DISC1: variants seen among roughly 807,000 people sequenced by gnomAD.
The protein encoded by DISC1 is DISC1 scaffold protein, also known as disrupted in schizophrenia 1 protein.
A neutral mutation model predicts 84.5 loss-of-function variants in DISC1; 57 were observed. The observed-to-expected ratio is 0.67, with a 90% CI of 0.55 to 0.84. DISC1 has a LOEUF of 0.84. DISC1 is among the 40% of genes least tolerant of loss of function. DISC1 has a pLI of 0.00. For missense variants in DISC1, 1,000 were observed against 1,057.8 expected (o/e 0.95, Z 0.76); for synonymous variants, 411 against 415.2 (o/e 0.99, Z 0.12).
At chr1:231,688,811 T>C (rs1044254930) in intron 1 of DISC1, among the ~76,000 whole-genome samples, 1 of 152,196 alleles carries the variant, frequency 6.6e-6, no homozygotes, top group Non-Finnish European at 1.5e-5. Flanking sequence ...AAGGAATTGT[T>C]TTATGGAAAT....
rs1669608512 is a variant in DISC1 at position 232,027,698 on chromosome 1, A to G, written c.2425+1146A>G. Among the ~76,000 whole-genome samples, 2 of 152,000 alleles carry G rather than the reference A, an allele frequency of 1.3e-5. 1 individual carries two copies. The highest frequency in any genetic ancestry group is 6.8e-3 in the Middle Eastern group (2 of 294). The stretch of plus-strand genomic sequence containing the variant: ...CTTTCTATTCAGTAGAATGTCTTTT[A>G]TTAGATGCGTTTGTGGCAAATTTAG... On this transcript the variant is annotated intron_variant, in intron 12 of 12. Transcript: ENST00000439617.
chr1:232,030,575 G>T (rs1238258854), intron 12 of DISC1, among the ~76,000 whole-genome samples: 1 of 152,168 alleles, frequency 6.6e-6, no homozygotes, highest in Admixed American at 6.5e-5. Flanking sequence ...GTGCCCAATT[G>T]TTTAGTTTTG....
At chr1:231,815,344 G>A (rs1037095426) in intron 8 of DISC1, among the ~76,000 whole-genome samples, 6 of 152,040 alleles carry the variant, frequency 3.9e-5, no homozygotes, top group African/African-American at 9.7e-5. Context: ...AGTCATCATC[G>A]TCCCTCCTCT....
Position 231,917,043 on chromosome 1 carries a change from G to A in DISC1, c.1982-41785G>A, listed in dbSNP as rs532970993. Reference sequence around the variant, plus strand: ...AGTTGGGCCATCTACACCCTCTTTCGGGGTACGACATAGAAATGGAAATGG... The same window carrying A: ...AGTTGGGCCATCTACACCCTCTTTCAGGGTACGACATAGAAATGGAAATGG... On this transcript the variant is annotated intron_variant, in intron 9 of 12. Transcript: ENST00000439617. Among the ~76,000 whole-genome samples the A allele has an allele frequency of 5.9e-5, 9 of 152,164 alleles. No individual in the cohort carries two copies. The East Asian group carries it at 1.7e-3, about 29-fold the overall frequency.
intron 3 of DISC1, chr1:231,721,141 C>T: frequency 1.6e-6 from 2 of 1,257,722 alleles, no homozygotes; most frequent in Non-Finnish European, 2.1e-6. Flanking sequence ...CTCTACCTAC[C>T]TTGCTGGGCT....
At chr1:231,979,351 T>G (rs577604657) in intron 10 of DISC1, among the ~76,000 whole-genome samples, 8 of 152,018 alleles carry the variant, frequency 5.3e-5, no homozygotes, top group Admixed American at 1.3e-4. Flanking sequence ...AAATAATCTT[T>G]TATGAAACCA....
At position 231,958,687 on chromosome 1, in the gene DISC1, T is replaced by G. The variant is rs1659950998; in HGVS notation, c.1982-141T>G. The G allele has an allele frequency of 1.3e-5, 11 of 852,146 alleles. No individual in the cohort carries two copies. In the East Asian group the frequency reaches 1.9e-4, roughly 15 times the overall value. The allele number at this position is 852,146 out of a possible 1,614,324, so 52.8% of individuals were successfully genotyped here. On this transcript the variant is annotated intron_variant, in intron 9 of 12. Transcript: ENST00000439617. ...GACTTCAGGCAGCCACTCCAGTGGA[T>G]TTGAGTGTTTTCCAAACATAGAATG... is the stretch of plus-strand genomic sequence containing the variant.
rs1419065533 is a variant in DISC1, at chr1:231,688,494, C to T, written c.68-5332C>T. 3.3e-5 allele frequency among the ~76,000 whole-genome samples: 5 copies of T among 152,280 alleles called. No homozygotes were observed. The East Asian group carries it at 5.8e-4, about 18-fold the overall frequency. ...AATTAAAGATGTGTTTGTGACGGCC[C>T]TCACTTCTTTTTCACCAAATGCAGC... On this transcript the variant is annotated intron_variant, in intron 1 of 12. Transcript: ENST00000439617.
intron 6 of DISC1, among the ~76,000 whole-genome samples, chr1:231,779,484 C>A (rs980468595): frequency 6.6e-6 from 1 of 151,106 alleles, no homozygotes; most frequent in Non-Finnish European, 1.5e-5. Context: ...TTAGGACCAC[C>A]TTCATGAATA....
rs142394787 is a variant in DISC1, at chr1:231,840,518, A to G, written c.1981+22001A>G. Among the ~76,000 whole-genome samples, 463 of 152,248 alleles carry G rather than the reference A, an allele frequency of 3.0e-3. 1 individual carries two copies. Among genetic ancestry groups the G allele is most frequent in the Non-Finnish European group, 5.2e-3 (351 of 68,016 alleles). On this transcript the variant is annotated intron_variant, in intron 9 of 12. Transcript: ENST00000439617. Reference sequence around the variant, plus strand: ...ACACAACAACCTGGCTGCATCTCAAATGCATTGTACTGAGTGAAAGAAACC... The same window carrying G: ...ACACAACAACCTGGCTGCATCTCAAGTGCATTGTACTGAGTGAAAGAAACC...
chr1:232,001,685 G>C (rs1666713632), intron 10 of DISC1, among the ~76,000 whole-genome samples: 1 of 152,036 alleles, frequency 6.6e-6, no homozygotes, highest in Admixed American at 6.6e-5. Flanking sequence ...AACATTCATA[G>C]GGAAAAAGAT....
At chr1:231,834,265 G>T (rs1173426174) in intron 9 of DISC1, among the ~76,000 whole-genome samples, 1 of 152,046 alleles carries the variant, frequency 6.6e-6, no homozygotes, top group Non-Finnish European at 1.5e-5. Flanking sequence ...GGAAGAATTT[G>T]GACCTAGCTT....
chr1:231,995,240 C>T (rs1665760349), intron 10 of DISC1, among the ~76,000 whole-genome samples: 1 of 151,974 alleles, frequency 6.6e-6, no homozygotes, highest in Non-Finnish European at 1.5e-5. Context: ...CATCAGTTTG[C>T]AGTGGAAAAT....
At chr1:231,823,650 C>T (rs1311561383) in intron 9 of DISC1, among the ~76,000 whole-genome samples, 1 of 152,112 alleles carries the variant, frequency 6.6e-6, no homozygotes, top group Non-Finnish European at 1.5e-5. Context: ...TTTTTTACAA[C>T]TTTTTATTTT....
chr1:231,723,567 A>G (rs1283924091), intron 3 of DISC1: 23 of 985,344 alleles, frequency 2.3e-5, no homozygotes, highest in Non-Finnish European at 2.5e-5. Flanking sequence ...GACTTCTCTG[A>G]TGGCCTGTCC....
Position 231,727,542 on chromosome 1 carries a change from G to A in DISC1, c.1118-22384G>A, listed in dbSNP as rs140043606. On this transcript the variant is annotated intron_variant, in intron 3 of 12. Transcript: ENST00000439617. The stretch of plus-strand genomic sequence containing the variant: ...CTATTTGACCATCCTCTGGGTGTTG[G>A]GACTCACTGAATATAGGCTGAGTTT... 2.5e-3 allele frequency among the ~76,000 whole-genome samples: 379 copies of A among 152,204 alleles called. 3 individuals are homozygous for A. The highest frequency in any genetic ancestry group is 8.9e-3 in the African/African-American group (368 of 41,536).
At chr1:231,728,291 T>A (rs997684766) in intron 3 of DISC1, among the ~76,000 whole-genome samples, 3 of 152,252 alleles carry the variant, frequency 2.0e-5, no homozygotes, top group Non-Finnish European at 4.4e-5. Context: ...AGAATGTCTC[T>A]TGTTAAAGTG....
At chr1:232,036,358 T>C (rs201830498) in intron 12 of DISC1, among the ~76,000 whole-genome samples, 6 of 152,238 alleles carry the variant, frequency 3.9e-5, no homozygotes, top group Non-Finnish European at 7.4e-5. Context: ...CACCCCAACT[T>C]GGGGCTTAGC....
At position 231,693,879 on chromosome 1, in the gene DISC1, C is replaced by T. The variant is rs202017627; in HGVS notation, c.121C>T (p.Arg41Trp). The T allele has an allele frequency of 3.0e-5, 49 of 1,614,136 alleles. No homozygotes were observed. The highest frequency in any genetic ancestry group is 1.1e-4 in the East Asian group (5 of 44,880). Residue 41 changes from arginine (R) to tryptophan (W), a missense_variant, in exon 2 of 13, where the codon CGG becomes TGG. Physicochemically the swap from Arg to Trp is moderately radical, Grantham distance 101. Around this residue, in one of 3 missense-constraint regions of DISC1, gnomAD observed 292 missense variants for 280.2 expected, o/e 1.04. Coordinates refer to ENST00000439617, the MANE Select transcript of DISC1 (RefSeq NM_018662.3). ...GTGCTTTCGGAGGCGGCGGCTGGCA[C>T]GGAGGCCGGGCTACATGAGAAGCTC... Reference protein sequence around the residue: ...AACFRRRRLARRPGYMRSSTG... With the variant: ...AACFRRRRLAWRPGYMRSSTG...
Sources: gnomAD v4.1 joint callset for allele counts (sites outside exome capture counted in the v4.1 genomes callset) on GRCh38, gnomAD v4.1.1 for gene constraint, gnomAD v4.1.1 regional missense constraint, MANE v1.5 for transcripts, NCBI Gene and HGNC (gene_info 2026-07-23, HGNC 2026-07-21) for gene names.